The following IMMP2L variants were observed in gnomAD, a reference collection of about 807,000 sequenced individuals.
IMMP2L encodes mitochondrial inner membrane protease subunit 2.
In IMMP2L, 18 loss-of-function variants were observed where a neutral mutation model predicts 19.3. That is an observed-to-expected ratio of 0.93 (90% confidence interval 0.64 to 1.38). IMMP2L has a LOEUF of 1.38. IMMP2L is among the 40% of genes most tolerant of loss of function. IMMP2L has a pLI of 0.00. For synonymous variants in IMMP2L, 76 were observed against 73.0 expected (o/e 1.04, Z -0.21); for missense variants, 233 against 218.2 (o/e 1.07, Z -0.43).
chr7:111,039,994 G>A (rs944892844), intron 3 of IMMP2L, among the ~76,000 whole-genome samples: 23 of 152,076 alleles, frequency 1.5e-4, no homozygotes, highest in Admixed American at 5.2e-4. Context: ...AGTGAAACCC[G>A]TCTCTACTAA....
chr7:110,913,688 C>G (rs1196478276), intron 4 of IMMP2L, among the ~76,000 whole-genome samples: 2 of 152,116 alleles, frequency 1.3e-5, no homozygotes, highest in Non-Finnish European at 2.9e-5. Context: ...CCAGCCATTA[C>G]TTGGTCTCTG....
intron 3 of IMMP2L, among the ~76,000 whole-genome samples, chr7:111,333,171 T>G (rs891750837): frequency 6.6e-6 from 1 of 152,154 alleles, no homozygotes; most frequent in African/African-American, 2.4e-5. Flanking sequence ...AAGAAGGTAG[T>G]CATCAATACC....
intron 3 of IMMP2L, among the ~76,000 whole-genome samples, chr7:111,387,628 T>C (rs1337628374): frequency 2.0e-5 from 3 of 152,108 alleles, no homozygotes; most frequent in African/African-American, 4.8e-5. Flanking sequence ...AACAGAATCT[T>C]AAGCTAAGCA....
chr7:110,966,925 T>TAAC (rs1487053332), intron 3 of IMMP2L, among the ~76,000 whole-genome samples: 1 of 152,098 alleles, frequency 6.6e-6, no homozygotes, highest in East Asian at 1.9e-4. Context: ...AGTGAAGGAT[T>TAAC]ATGTTTTACT....
intron 3 of IMMP2L, among the ~76,000 whole-genome samples, chr7:111,314,804 T>C (rs182382257): frequency 8.4e-4 from 128 of 152,312 alleles, no homozygotes; most frequent in Non-Finnish European, 5.6e-4. Context: ...AATTATCCTA[T>C]AGATTTTTCT....
chr7:111,122,882 T>A, intron 3 of IMMP2L: 1 of 1,614,000 alleles, frequency 6.2e-7, no homozygotes, highest in African/African-American at 1.3e-5. Context: ...ACGTGTGAAA[T>A]CAGGCCTTGG....
rs1417408806 is a variant in IMMP2L at position 110,728,446 on chromosome 7, C to T, written c.409-64725G>A. On this transcript the variant is annotated intron_variant, in intron 5 of 5. Coordinates refer to ENST00000405709, the MANE Select transcript of IMMP2L (RefSeq NM_032549.4). The surrounding 1 kb of genome is among the most constrained non-coding windows in gnomAD (Gnocchi z 4.6). ...CCTGGGAGGCAGAGGTTGCAGTGAGCCATTATCACATCACTGTACTCCAGC... is the reference window on the plus strand; with the variant it reads ...CCTGGGAGGCAGAGGTTGCAGTGAGTCATTATCACATCACTGTACTCCAGC... Among the ~76,000 whole-genome samples the T allele has an allele frequency of 6.6e-6, 1 of 152,038 alleles. No homozygotes were observed. Among genetic ancestry groups the T allele is most frequent in the Non-Finnish European group, 1.5e-5 (1 of 68,020 alleles).
At chr7:111,527,785 G>A (rs1397210854) in intron 1 of IMMP2L, among the ~76,000 whole-genome samples, 1 of 151,968 alleles carries the variant, frequency 6.6e-6, no homozygotes, top group East Asian at 1.9e-4. Context: ...TGCTACCATC[G>A]CCTGCACAAC....
chr7:111,030,828 CTG>C (rs375155542), intron 3 of IMMP2L, among the ~76,000 whole-genome samples: 1 of 141,100 alleles, frequency 7.1e-6, no homozygotes, highest in African/African-American at 2.6e-5. Context: ...GTATATGTGT[CTG>C]TGTATATATG....
At chr7:110,725,131 T>C (rs1156942607) in intron 5 of IMMP2L, among the ~76,000 whole-genome samples, 1 of 152,194 alleles carries the variant, frequency 6.6e-6, no homozygotes, top group East Asian at 1.9e-4. Flanking sequence ...ACACTGATTA[T>C]GCCAGAGTTC....
At chr7:110,730,242 T>G (rs1796171945) in intron 5 of IMMP2L, among the ~76,000 whole-genome samples, 1 of 152,064 alleles carries the variant, frequency 6.6e-6, no homozygotes, top group Admixed American at 6.6e-5. Context: ...CCACCCTCAA[T>G]CTGGGTGGGC....
intron 5 of IMMP2L, among the ~76,000 whole-genome samples, chr7:110,873,504 C>T (rs1200475897): frequency 6.7e-6 from 1 of 149,836 alleles, no homozygotes; most frequent in Non-Finnish European, 1.5e-5. Context: ...TGGCTCACGC[C>T]TTTAATCCCA....
chr7:111,145,290 G>C (rs181518635), intron 3 of IMMP2L, among the ~76,000 whole-genome samples: 1 of 152,108 alleles, frequency 6.6e-6, no homozygotes, highest in African/African-American at 2.4e-5. Context: ...CCTCTGTAGA[G>C]AGGAACCATG....
chr7:111,192,645 G>C (rs560941491), intron 3 of IMMP2L, among the ~76,000 whole-genome samples: 5 of 152,246 alleles, frequency 3.3e-5, no homozygotes, highest in Admixed American at 3.3e-4. Flanking sequence ...TGTCCATCCA[G>C]ATGGAGCCAA....
At chr7:110,950,865 T>TATATGTATATAC (rs930618681) in intron 4 of IMMP2L, among the ~76,000 whole-genome samples, 1 of 144,094 alleles carries the variant, frequency 6.9e-6, no homozygotes, top group African/African-American at 2.6e-5. Context: ...TATATATATA[T>TATATGTATATAC]ATATATGTAT....
chr7:110,875,713 A>G (rs1034299569), intron 5 of IMMP2L, among the ~76,000 whole-genome samples: 1 of 152,140 alleles, frequency 6.6e-6, no homozygotes, highest in Non-Finnish European at 1.5e-5. Context: ...AGCAGCTTTG[A>G]AAATGGTTTG....
At chr7:110,763,756 TATC>T (rs1157518210) in intron 5 of IMMP2L, among the ~76,000 whole-genome samples, 5 of 152,170 alleles carry the variant, frequency 3.3e-5, no homozygotes, top group Non-Finnish European at 4.4e-5. Flanking sequence ...CATTTTAAAC[TATC>T]ATCATTGTTG....
At chr7:111,262,763 A>AT (rs749907759) in intron 3 of IMMP2L, among the ~76,000 whole-genome samples, 5 of 152,176 alleles carry the variant, frequency 3.3e-5, no homozygotes, top group Admixed American at 6.5e-5. Flanking sequence ...TCCCATGAAC[A>AT]TCATATGGAG....
At chr7:111,153,725 T>C (rs1211386442) in intron 3 of IMMP2L, among the ~76,000 whole-genome samples, 2 of 152,040 alleles carry the variant, frequency 1.3e-5, no homozygotes, top group African/African-American at 4.8e-5. Context: ...AACTATATAT[T>C]TTCTTTATGG....
Sources: allele counts gnomAD v4.1 joint callset (sites outside exome capture counted in the v4.1 genomes callset), GRCh38; gene constraint gnomAD v4.1.1; non-coding constraint Gnocchi (gnomAD v3.1); transcripts MANE v1.5; gene names NCBI Gene and HGNC (gene_info 2026-07-23, HGNC 2026-07-21).